Variants in BCL11A observed in about 807,000 individuals in gnomAD.
BCL11A encodes the protein B cell CLL/lymphoma 11A.
Under a neutral mutation model 55.9 loss-of-function variants are expected in BCL11A, and 2 were observed. That is an observed-to-expected ratio of 0.04 (90% CI 0.01 to 0.11). BCL11A has a LOEUF of 0.11. BCL11A is among the 10% of genes least tolerant of loss of function. The pLI is 1.00. For missense variants in BCL11A, 817 were observed against 1,137.1 expected, an observed-to-expected ratio of 0.72 and a Z score of 4.05; for synonymous variants, 465 against 473.4, an observed-to-expected ratio of 0.98 and a Z score of 0.23.
At chr2:60,519,683 T>C (rs1668892125) in intron 2 of BCL11A, among the ~76,000 whole-genome samples, 1 of 152,198 alleles carries the variant, frequency 6.6e-6, no homozygotes, top group African/African-American at 2.4e-5. Flanking sequence ...ACTGGAATCT[T>C]GTAGATTTCT....
chr2:60,515,725 G>C (rs1026478130), intron 2 of BCL11A, among the ~76,000 whole-genome samples: 2 of 152,190 alleles, frequency 1.3e-5, no homozygotes, highest in Non-Finnish European at 2.9e-5. Flanking sequence ...GTGGGTGGCG[G>C]ACAGAGATGT....
intron 3 of BCL11A, among the ~76,000 whole-genome samples, chr2:60,462,685 CTGGCTTG>C (rs1676384422): frequency 6.6e-6 from 1 of 152,156 alleles, no homozygotes; most frequent in Admixed American, 6.5e-5. Context: ...CTGACCAGTT[CTGGCTTG>C]AGGATGAAGG....
At chr2:60,468,502 A>T (rs905127486) in intron 3 of BCL11A, among the ~76,000 whole-genome samples, 4 of 152,190 alleles carry the variant, frequency 2.6e-5, no homozygotes, top group African/African-American at 9.7e-5. Flanking sequence ...ACCCACAGGG[A>T]TGAGCTACTA....
intron 2 of BCL11A, among the ~76,000 whole-genome samples, chr2:60,495,105 C>T (rs1678869099): frequency 6.6e-6 from 1 of 152,206 alleles, no homozygotes; most frequent in Admixed American, 6.5e-5. Context: ...CAAATTATTT[C>T]ATTCCCATTG....
At chr2:60,548,267 C>G (rs1396377020) in intron 1 of BCL11A, among the ~76,000 whole-genome samples, 2 of 148,406 alleles carry the variant, frequency 1.3e-5, no homozygotes, top group Non-Finnish European at 3.0e-5. Context: ...AATATTTTAT[C>G]AAACTTACTA....
Position 60,461,176 on chromosome 2 carries a change from T to C in BCL11A, c.1736A>G (p.Glu579Gly). 1 of 1,612,584 alleles carries C rather than the reference T, an allele frequency of 6.2e-7. No homozygotes were observed. Among genetic ancestry groups the C allele is most frequent in the Non-Finnish European group, 8.5e-7 (1 of 1,179,820 alleles). ...KHKRGHLAEAEGHRDTCDEDS... is the reference protein window; with the variant it reads ...KHKRGHLAEAGGHRDTCDEDS... ...TTCGTCGCAAGTGTCCCTGTGGCCC[T>C]CGGCCTCGGCCAGGTGGCCGCGCTT... Residue 579 changes from glutamate (E) to glycine (G), a missense_variant, in exon 4 of 4, where the codon GAG becomes GGG. Around this residue, in one of 4 missense-constraint regions of BCL11A, gnomAD observed 379 missense variants for 425.3 expected, o/e 0.89. Coordinates refer to ENST00000642384, the MANE Select transcript of BCL11A (RefSeq NM_022893.4).
intron 2 of BCL11A, among the ~76,000 whole-genome samples, chr2:60,481,943 G>A (rs773236597): frequency 7.9e-5 from 12 of 152,150 alleles, no homozygotes; most frequent in Non-Finnish European, 1.5e-4. Flanking sequence ...CCTAGGTATA[G>A]AGACCTTCTC....
intron 2 of BCL11A, among the ~76,000 whole-genome samples, chr2:60,504,643 G>A (rs79680345): frequency 2.4e-4 from 36 of 152,154 alleles, no homozygotes; most frequent in Non-Finnish European, 1.5e-4. Flanking sequence ...TAGTCAGAAC[G>A]TTCTCTCAGC....
intron 3 of BCL11A, among the ~76,000 whole-genome samples, chr2:60,462,727 A>G (rs1676386882): frequency 6.6e-6 from 1 of 152,226 alleles, no homozygotes; most frequent in South Asian, 2.1e-4. Context: ...GCACCTCAAC[A>G]AATGTCTTCT....
chr2:60,528,705 A>G (rs1669315762), intron 2 of BCL11A, among the ~76,000 whole-genome samples: 1 of 152,130 alleles, frequency 6.6e-6, no homozygotes, highest in Non-Finnish European at 1.5e-5. Context: ...AAGTCATTTA[A>G]CCCTTGATGA....
At chr2:60,534,639 C>A in intron 2 of BCL11A, 1 of 152,188 alleles carries the variant, frequency 6.6e-6, no homozygotes, top group Non-Finnish European at 1.5e-5. Flanking sequence ...CTGTACTTAA[C>A]GTTAAAAGAA....
chr2:60,489,769 C>A (rs554108194), intron 2 of BCL11A, among the ~76,000 whole-genome samples: 7 of 152,166 alleles, frequency 4.6e-5, no homozygotes, highest in Non-Finnish European at 8.8e-5. Context: ...TATCAGCCCC[C>A]CTCTCACCCC....
downstream of BCL11A, among the ~76,000 whole-genome samples, chr2:60,453,257 A>G (rs996681846): frequency 2.6e-5 from 4 of 152,198 alleles, no homozygotes; most frequent in Non-Finnish European, 5.9e-5. Context: ...TCTTTCAAAC[A>G]TGCAGTTTTC....
intron 2 of BCL11A, among the ~76,000 whole-genome samples, chr2:60,497,236 G>A (rs960130190): frequency 2.6e-5 from 4 of 152,228 alleles, no homozygotes; most frequent in Non-Finnish European, 2.9e-5. Context: ...ATGAGCTAGA[G>A]AAACATTCCA....
At chr2:60,467,350 G>GGTACTTT (rs1312196741) in intron 3 of BCL11A, among the ~76,000 whole-genome samples, 1 of 57,130 alleles carries the variant, frequency 1.8e-5, no homozygotes, top group Non-Finnish European at 3.7e-5. Context: ...TGGTGGTAAT[G>GGTACTTT]GTGGTGGTGG....
intron 2 of BCL11A, among the ~76,000 whole-genome samples, chr2:60,512,891 A>T (rs952718183): frequency 2.0e-5 from 3 of 152,158 alleles, no homozygotes; most frequent in Non-Finnish European, 4.4e-5. Flanking sequence ...CACTTTGCCC[A>T]CCCACATGGC....
chr2:60,514,654 C>T (rs1377749360), intron 2 of BCL11A, among the ~76,000 whole-genome samples: 9 of 147,588 alleles, frequency 6.1e-5, no homozygotes, highest in African/African-American at 7.5e-5. Flanking sequence ...GGCGACAGAG[C>T]GAGACTCCAT....
At chr2:60,467,354 G>C (rs1180911751) in intron 3 of BCL11A, among the ~76,000 whole-genome samples, 1 of 68,340 alleles carries the variant, frequency 1.5e-5, no homozygotes, top group Non-Finnish European at 2.9e-5. Context: ...GGTAATGGTG[G>C]TGGTGGTGAT....
chr2:60,478,660 C>CA (rs765629621), intron 2 of BCL11A, among the ~76,000 whole-genome samples: 10 of 151,952 alleles, frequency 6.6e-5, no homozygotes, highest in East Asian at 1.9e-4. Context: ...AAAGCTCTAC[C>CA]AAAAAAAATG....
Sources: allele counts gnomAD v4.1 joint callset (sites outside exome capture counted in the v4.1 genomes callset), GRCh38; gene constraint gnomAD v4.1.1; regional missense constraint gnomAD v4.1.1; transcripts MANE v1.5; gene names NCBI Gene and HGNC (gene_info 2026-07-23, HGNC 2026-07-21).